Variants in FBXL13 observed in about 807,000 individuals in gnomAD.
FBXL13 encodes the protein F-box and leucine rich repeat protein 13.
A neutral mutation model predicts 83.6 loss-of-function variants in FBXL13; 67 were observed. That is an observed-to-expected ratio of 0.80 (90% CI 0.66 to 0.98). The LOEUF is 0.98. Ranked by LOEUF, FBXL13 falls within the 50% of genes least tolerant of loss-of-function variation. FBXL13 has a pLI of 0.00. For missense variants in FBXL13, 822 were observed against 866.5 expected (o/e 0.95, Z 0.64); for synonymous variants, 272 against 299.5 (o/e 0.91, Z 0.95).
At chr7:102,860,080 C>T (rs966543516) in intron 16 of FBXL13, among the ~76,000 whole-genome samples, 2 of 152,166 alleles carry the variant, frequency 1.3e-5, no homozygotes, top group Non-Finnish European at 2.9e-5. Context: ...GGACATAAGG[C>T]TCAAAAGGAA....
chr7:102,960,144 T>C (rs1443580910), intron 8 of FBXL13, among the ~76,000 whole-genome samples: 1 of 151,996 alleles, frequency 6.6e-6, no homozygotes, highest in Non-Finnish European at 1.5e-5. Flanking sequence ...TAGAAAAAAT[T>C]GATGATCCAT....
At chr7:103,061,140 AAGAGGAAG>A (rs1797861044) in intron 1 of FBXL13, among the ~76,000 whole-genome samples, 1 of 152,302 alleles carries the variant, frequency 6.6e-6, no homozygotes, top group East Asian at 1.9e-4. Context: ...AGACCCCAGG[AAGAGGAAG>A]ATGCCCCTCA....
chr7:102,862,659 A>G (rs1807038487), intron 16 of FBXL13, among the ~76,000 whole-genome samples: 1 of 152,252 alleles, frequency 6.6e-6, no homozygotes, highest in African/African-American at 2.4e-5. Flanking sequence ...CAAGTATTAT[A>G]TACATAGATG....
At chr7:102,891,491 T>C (rs757338454) in intron 11 of FBXL13, among the ~76,000 whole-genome samples, 1 of 152,212 alleles carries the variant, frequency 6.6e-6, no homozygotes, top group Non-Finnish European at 1.5e-5. Context: ...AACTGTATCG[T>C]TTACAGTACA....
chr7:102,893,952 AAGAAAGAAAGAG>A (rs1198915734), intron 11 of FBXL13, among the ~76,000 whole-genome samples: 2 of 130,802 alleles, frequency 1.5e-5, no homozygotes, highest in Non-Finnish European at 3.1e-5. Flanking sequence ...GAAAGAAAGA[AAGAAAGAAAGAG>A]AGAAAGAAAG....
chr7:102,992,693 C>T (rs1045637628), intron 6 of FBXL13, among the ~76,000 whole-genome samples: 1 of 152,206 alleles, frequency 6.6e-6, no homozygotes, highest in Non-Finnish European at 1.5e-5. Flanking sequence ...CAGCCTCAAC[C>T]TCTCCAGACT....
At chr7:102,986,382 C>A (rs1389613598) in intron 6 of FBXL13, among the ~76,000 whole-genome samples, 2 of 152,154 alleles carry the variant, frequency 1.3e-5, no homozygotes, top group East Asian at 3.8e-4. Flanking sequence ...TGTAGACCTT[C>A]CTAAAATGTG....
Position 102,907,169 on chromosome 7 carries a change from C to T in FBXL13, c.1008+5917G>A, listed in dbSNP as rs1207105550. ...TATATTTTTAGTAAAGACAGGGTTT[C>T]ACCATGTTGGCCAGGCTGTGTTATT... On this transcript the variant is annotated intron_variant, in intron 11 of 19. Coordinates refer to ENST00000313221, the Ensembl canonical transcript of FBXL13. 2.0e-5 allele frequency among the ~76,000 whole-genome samples: 3 copies of T among 152,078 alleles called. No individual in the cohort carries two copies. In the South Asian group the frequency reaches 6.2e-4, roughly 31 times the overall value.
intron 6 of FBXL13, among the ~76,000 whole-genome samples, chr7:103,016,784 G>GC (rs1302881028): frequency 6.6e-6 from 1 of 152,176 alleles, no homozygotes; most frequent in Non-Finnish European, 1.5e-5. Context: ...GGGGAGGGGC[G>GC]CCCGCCATTG....
intron 8 of FBXL13, among the ~76,000 whole-genome samples, chr7:102,955,179 C>A (rs1824054404): frequency 6.6e-6 from 1 of 152,054 alleles, no homozygotes; most frequent in African/African-American, 2.4e-5. Context: ...CAACAGAAAT[C>A]ACAACAAACT....
intron 5 of FBXL13, among the ~76,000 whole-genome samples, chr7:103,025,772 G>T (rs762881514): frequency 1.3e-5 from 2 of 151,792 alleles, no homozygotes; most frequent in African/African-American, 4.8e-5. Context: ...ATGTGTATGT[G>T]TGTATGTATG....
chr7:102,973,674 C>T (rs571236777), intron 6 of FBXL13: 46 of 766,426 alleles, frequency 6.0e-5, no homozygotes, highest in South Asian at 2.5e-4. Context: ...CCTACCCCTC[C>T]GCCCCAGAAA....
intron 6 of FBXL13, among the ~76,000 whole-genome samples, chr7:103,009,581 C>G (rs1438716295): frequency 6.6e-6 from 1 of 152,106 alleles, no homozygotes; most frequent in African/African-American, 2.4e-5. Flanking sequence ...TTTTGAGGGG[C>G]AACTCCTGAG....
intron 2 of FBXL13, among the ~76,000 whole-genome samples, chr7:103,046,162 T>C (rs971548772): frequency 1.3e-5 from 2 of 152,198 alleles, no homozygotes; most frequent in African/African-American, 4.8e-5. Context: ...TAAGTGGTCT[T>C]TTCATTAATC....
At chr7:102,818,757 A>AT (rs1798369324) in intron 19 of FBXL13, among the ~76,000 whole-genome samples, 1 of 151,168 alleles carries the variant, frequency 6.6e-6, no homozygotes, top group Non-Finnish European at 1.5e-5. Flanking sequence ...ATAGAAATAT[A>AT]TCAAAAGTTC....
intron 2 of FBXL13, among the ~76,000 whole-genome samples, chr7:103,037,547 A>G (rs116118057): frequency 0.011 from 1,673 of 152,188 alleles, 34 homozygotes; most frequent in African/African-American, 0.039. Flanking sequence ...GGTCACGCCT[A>G]TAATCCTAGC....
intron 10 of FBXL13, among the ~76,000 whole-genome samples, chr7:102,920,046 T>C (rs1415991806): frequency 6.6e-6 from 1 of 151,738 alleles, no homozygotes; most frequent in Non-Finnish European, 1.5e-5. Context: ...TACAGGGGAG[T>C]AGGTGTGCAG....
At chr7:102,898,181 T>C (rs1164393597) in intron 11 of FBXL13, among the ~76,000 whole-genome samples, 3 of 151,126 alleles carry the variant, frequency 2.0e-5, no homozygotes, top group Non-Finnish European at 4.4e-5. Flanking sequence ...CACACACACA[T>C]ACATATATAT....
chr7:103,028,850 C>T (rs1585438361), intron 3 of FBXL13, 102 bp from the exon 5 acceptor site: 1 of 954,780 alleles, frequency 1.0e-6, no homozygotes. Flanking sequence ...CCTTTATGAC[C>T]TCAAAAACCA....
Sources: gnomAD v4.1 joint callset for allele counts (sites outside exome capture counted in the v4.1 genomes callset) on GRCh38, gnomAD v4.1.1 for gene constraint, MANE v1.5 for transcripts, NCBI Gene and HGNC (gene_info 2026-07-23, HGNC 2026-07-21) for gene names.